MARCHF8: variants seen among roughly 807,000 people sequenced by gnomAD.
MARCHF8 encodes the protein E3 ubiquitin-protein ligase MARCHF8.
MARCHF8 carries 40 observed loss-of-function variants against 51.6 expected under a neutral mutation model. That is an observed-to-expected ratio of 0.77 (90% CI 0.60 to 1.01). The LOEUF (loss-of-function observed/expected upper bound fraction) is 1.01, where lower values mean the gene tolerates loss of function less well. MARCHF8 is among the 50% of genes least tolerant of loss of function. The probability of loss-of-function intolerance (pLI) is 0.00; values close to 1 mark genes in which losing one functional copy is unlikely to be tolerated. For missense variants in MARCHF8, 685 were observed against 708.6 expected (o/e 0.97, Z 0.38); for synonymous variants, 263 against 280.3 (o/e 0.94, Z 0.62).
intron 1 of MARCHF8, among the ~76,000 whole-genome samples, chr10:45,579,512 A>C (rs866656540): frequency 2.0e-5 from 3 of 152,110 alleles, no homozygotes; most frequent in African/African-American, 7.2e-5. Context: ...TGCACAAAAG[A>C]AGCTAATGAA....
At chr10:45,582,669 C>T (rs1451687681) in intron 1 of MARCHF8, among the ~76,000 whole-genome samples, 1 of 152,138 alleles carries the variant, frequency 6.6e-6, no homozygotes, top group Non-Finnish European at 1.5e-5. Context: ...CTAACTCTTT[C>T]GCCCCTCAGA....
chr10:45,468,808 C>A (rs1589081947), intron 3 of MARCHF8, among the ~76,000 whole-genome samples: 2 of 152,124 alleles, frequency 1.3e-5, no homozygotes, highest in East Asian at 3.9e-4. Context: ...CCATTATCAG[C>A]CAAGAAAATT....
rs377747875 is a variant in MARCHF8 at position 45,458,359 on chromosome 10, T to G, written c.1602A>C (p.Lys534Asn). ...PETSKKNIFE[K>N]SPLTEPNFEN... ...CAAAGTTGGGCTCTGTTAGTGGAGA[T>G]TTTTCAAAAATATTCTTTTTGCTTG... is the stretch of plus-strand genomic sequence containing the variant. The change falls in exon 8 of 8, where the codon AAA (lysine) becomes AAC (asparagine). Residue 534 changes from lysine (K) to asparagine (N), a missense_variant. Lys to Asn is a moderately conservative substitution (Grantham distance 94). Transcript: ENST00000453424. 1.2e-6 allele frequency: 2 copies of G among 1,614,048 alleles called. No homozygotes were observed. Among genetic ancestry groups the G allele is most frequent in the African/African-American group, 2.7e-5 (2 of 74,940 alleles).
At chr10:45,503,707 G>C (rs1274716214) in intron 2 of MARCHF8, among the ~76,000 whole-genome samples, 1 of 151,878 alleles carries the variant, frequency 6.6e-6, no homozygotes, top group Non-Finnish European at 1.5e-5. Flanking sequence ...TTTCCAAAAG[G>C]TAGAAACAAC....
chr10:45,542,002 T>G (rs1470041260), intron 1 of MARCHF8, among the ~76,000 whole-genome samples: 1 of 152,118 alleles, frequency 6.6e-6, no homozygotes, highest in Non-Finnish European at 1.5e-5. Flanking sequence ...AAATTAAAAT[T>G]TTTTAAAAAC....
intron 1 of MARCHF8, among the ~76,000 whole-genome samples, chr10:45,585,723 A>G (rs567012283): frequency 3.6e-4 from 55 of 152,310 alleles, no homozygotes; most frequent in African/African-American, 1.3e-3. Context: ...TCTATACATA[A>G]TTTATAAATA....
chr10:45,563,186 C>T (rs1245350637), intron 1 of MARCHF8, among the ~76,000 whole-genome samples: 3 of 152,106 alleles, frequency 2.0e-5, no homozygotes, highest in Non-Finnish European at 2.9e-5. Flanking sequence ...ACCACCATAC[C>T]TGGGTAATTT....
intron 1 of MARCHF8, among the ~76,000 whole-genome samples, chr10:45,553,756 T>C (rs1196924688): frequency 1.3e-5 from 2 of 152,062 alleles, no homozygotes; most frequent in African/African-American, 2.4e-5. Flanking sequence ...AGAAGAAAAT[T>C]ATACATAGTG....
chr10:45,558,032 T>C (rs923042523), intron 1 of MARCHF8, among the ~76,000 whole-genome samples: 1 of 152,248 alleles, frequency 6.6e-6, no homozygotes, highest in Non-Finnish European at 1.5e-5. Context: ...TGATCACTGA[T>C]ATTTTTCCAT....
At chr10:45,471,944 T>C (rs1295545970) in intron 3 of MARCHF8, among the ~76,000 whole-genome samples, 1 of 152,120 alleles carries the variant, frequency 6.6e-6, no homozygotes, top group Non-Finnish European at 1.5e-5. Flanking sequence ...CCAACCAAGG[T>C]AACCACCGTC....
intron 1 of MARCHF8, among the ~76,000 whole-genome samples, chr10:45,559,812 T>A (rs577994341): frequency 6.6e-6 from 1 of 152,200 alleles, no homozygotes; most frequent in Non-Finnish European, 1.5e-5. Flanking sequence ...CCAAATATAT[T>A]TCTGCAACTG....
At chr10:45,497,087 T>A (rs1350285851) in intron 2 of MARCHF8, among the ~76,000 whole-genome samples, 1 of 151,660 alleles carries the variant, frequency 6.6e-6, no homozygotes, top group Admixed American at 6.6e-5. Context: ...ACAATTAGAC[T>A]CAAAATTATA....
intron 2 of MARCHF8, among the ~76,000 whole-genome samples, chr10:45,514,702 T>A (rs576437604): frequency 6.6e-6 from 1 of 152,256 alleles, no homozygotes; most frequent in Non-Finnish European, 1.5e-5. Flanking sequence ...ATACAAGGAA[T>A]GAAAGCTCAG....
intron 3 of MARCHF8, among the ~76,000 whole-genome samples, chr10:45,483,175 T>C (rs1182967670): frequency 6.6e-6 from 1 of 152,116 alleles, no homozygotes; most frequent in Non-Finnish European, 1.5e-5. Context: ...CTGCACAGCA[T>C]AGGAAACAAT....
intron 1 of MARCHF8, among the ~76,000 whole-genome samples, chr10:45,548,239 G>A (rs1368639696): frequency 6.6e-6 from 1 of 152,164 alleles, no homozygotes; most frequent in African/African-American, 2.4e-5. Flanking sequence ...CAAGTGCTTG[G>A]CTAAGAGAGA....
chr10:45,576,301 C>T (rs1430527393), intron 1 of MARCHF8, among the ~76,000 whole-genome samples: 1 of 152,066 alleles, frequency 6.6e-6, no homozygotes, highest in Non-Finnish European at 1.5e-5. Context: ...GTTGGATATC[C>T]AATACAGAAC....
Position 45,463,986 on chromosome 10 carries a change from C to G in MARCHF8, c.253G>C (p.Val85Leu). ...SSQDICSSSA[V>L]FSECCHHSSV... Reference sequence around the variant, plus strand: ...CTGTGGTGACAACACTCAGAAAACACTGCACTGGAACTGCATGCAGAACAG... The same window carrying G: ...CTGTGGTGACAACACTCAGAAAACAGTGCACTGGAACTGCATGCAGAACAG... Residue 85 changes from valine (V) to leucine (L), a missense_variant, in exon 5 of 8, where the codon GTG (valine) becomes CTG (leucine). Transcript: ENST00000453424. 2 of 1,535,068 alleles carry G rather than the reference C, an allele frequency of 1.3e-6. No homozygotes were observed. Among genetic ancestry groups the G allele is most frequent in the Non-Finnish European group, 1.7e-6 (2 of 1,146,500 alleles).
chr10:45,521,592 A>G (rs568386181), intron 2 of MARCHF8, among the ~76,000 whole-genome samples: 13 of 152,342 alleles, frequency 8.5e-5, no homozygotes, highest in Admixed American at 6.5e-4. Context: ...CAATGTTTAC[A>G]TAAGATAACA....
chr10:45,459,811 T>C, intron 6 of MARCHF8: 6 of 985,470 alleles, frequency 6.1e-6, no homozygotes, highest in Non-Finnish European at 7.2e-6. Flanking sequence ...AAGCAGACTC[T>C]GCTAGTCCCA....
Sources: allele counts gnomAD v4.1 joint callset (sites outside exome capture counted in the v4.1 genomes callset), GRCh38; gene constraint gnomAD v4.1.1; transcripts MANE v1.5; gene names NCBI Gene and HGNC (gene_info 2026-07-23, HGNC 2026-07-21).